ADGRB3: variants seen among roughly 807,000 people sequenced by gnomAD.
The protein encoded by ADGRB3 is adhesion G protein-coupled receptor B3.
A neutral mutation model predicts 193.4 loss-of-function variants in ADGRB3; 37 were observed. The observed-to-expected ratio is 0.19, with a 90% CI of 0.15 to 0.25. The LOEUF is 0.25. Ranked by LOEUF, ADGRB3 falls within the 10% of genes least tolerant of loss-of-function variation. ADGRB3 has a pLI of 1.00. For synonymous variants in ADGRB3, 690 were observed against 644.2 expected (o/e 1.07, Z -1.08); for missense variants, 1,637 against 1,852.9 (o/e 0.88, Z 2.14).
chr6:69,040,626 A>G (rs1276763148), intron 13 of ADGRB3, among the ~76,000 whole-genome samples: 1 of 144,044 alleles, frequency 6.9e-6, no homozygotes, highest in Non-Finnish European at 1.5e-5. Context: ...AAAAGGCAAA[A>G]ATGTGCCCCA....
At chr6:69,366,549 A>G (rs1769571498) in intron 29 of ADGRB3, among the ~76,000 whole-genome samples, 1 of 152,108 alleles carries the variant, frequency 6.6e-6, no homozygotes, top group South Asian at 2.1e-4. Flanking sequence ...GCATACATTC[A>G]CTAAGTATTC....
intron 3 of ADGRB3, among the ~76,000 whole-genome samples, chr6:68,863,263 A>G (rs886707899): frequency 2.0e-5 from 3 of 152,078 alleles, no homozygotes; most frequent in Non-Finnish European, 2.9e-5. Flanking sequence ...ATTCCTGAGT[A>G]CAGACAAAAG....
chr6:69,182,084 A>G (rs1389330095), intron 17 of ADGRB3, among the ~76,000 whole-genome samples: 1 of 152,164 alleles, frequency 6.6e-6, no homozygotes, highest in Non-Finnish European at 1.5e-5. Flanking sequence ...AAAATCATTT[A>G]TTTGGCAACA....
rs187993565 is a variant in ADGRB3 at position 68,943,352 on chromosome 6, T to C, written c.1031-478T>C. Among the ~76,000 whole-genome samples, 13 of 152,268 alleles carry C rather than the reference T, an allele frequency of 8.5e-5. No homozygotes were observed. The East Asian group carries it at 2.3e-3, about 27-fold the overall frequency. On this transcript the variant is annotated intron_variant, in intron 5 of 31. Transcript: ENST00000370598. ...TTAATATGCACTCTCAATTTTCAGA[T>C]TTTTTAAAATTTTCTAATATAATAG... is the stretch of plus-strand genomic sequence containing the variant.
intron 3 of ADGRB3, among the ~76,000 whole-genome samples, chr6:68,815,473 G>A (rs9360362): frequency 0.22 from 33,722 of 151,864 alleles, 5,216 homozygotes; most frequent in East Asian, 0.68. Flanking sequence ...TCTCTAGGAG[G>A]CCCTTATTAT....
intron 17 of ADGRB3, among the ~76,000 whole-genome samples, chr6:69,145,817 C>T (rs1005886740): frequency 1.3e-5 from 2 of 151,940 alleles, no homozygotes; most frequent in African/African-American, 4.8e-5. Context: ...TAGCTCTCAG[C>T]AGAGAGGAGA....
chr6:68,960,071 C>T (rs1317239242), intron 8 of ADGRB3, among the ~76,000 whole-genome samples: 1 of 152,170 alleles, frequency 6.6e-6, no homozygotes. Flanking sequence ...AGTTTACATT[C>T]TAGCTTCGTA....
intron 16 of ADGRB3, among the ~76,000 whole-genome samples, chr6:69,072,328 AAAAG>A (rs1264241837): frequency 2.6e-5 from 4 of 152,306 alleles, no homozygotes; most frequent in Middle Eastern, 3.4e-3. Context: ...CATAACCACA[AAAAG>A]AAAGAGAAGC....
At chr6:69,288,906 C>G (rs147075382) in intron 20 of ADGRB3, among the ~76,000 whole-genome samples, 2 of 152,104 alleles carry the variant, frequency 1.3e-5, no homozygotes. Context: ...CAAAGGAACA[C>G]GCTTCTCTTT....
At chr6:69,228,115 G>A (rs752395621) in intron 17 of ADGRB3, among the ~76,000 whole-genome samples, 13 of 152,106 alleles carry the variant, frequency 8.5e-5, no homozygotes, top group Non-Finnish European at 2.9e-5. Flanking sequence ...AAATGAGCCG[G>A]GTGCAGTGGC....
chr6:69,207,319 C>T (rs1176598231), intron 17 of ADGRB3, among the ~76,000 whole-genome samples: 2 of 152,184 alleles, frequency 1.3e-5, no homozygotes, highest in African/African-American at 4.8e-5. Context: ...CTGGACCCCA[C>T]TCAAAACTGG....
At chr6:68,814,415 T>C (rs1378513231) in intron 3 of ADGRB3, among the ~76,000 whole-genome samples, 3 of 152,244 alleles carry the variant, frequency 2.0e-5, no homozygotes, top group Non-Finnish European at 4.4e-5. Flanking sequence ...TTTGTTTTTT[T>C]CTTGTAAATT....
At chr6:69,149,147 C>A (rs1021030757) in intron 17 of ADGRB3, among the ~76,000 whole-genome samples, 1 of 152,040 alleles carries the variant, frequency 6.6e-6, no homozygotes, top group Admixed American at 6.5e-5. Flanking sequence ...TCTCTACTTC[C>A]CCTTTAAGGA....
chr6:69,079,826 T>A (rs1373560635), intron 17 of ADGRB3, among the ~76,000 whole-genome samples: 1 of 152,096 alleles, frequency 6.6e-6, no homozygotes. Context: ...CATCTAATAC[T>A]CTCAAGTCTG....
chr6:68,666,495 C>T (rs1306859982), intron 3 of ADGRB3, among the ~76,000 whole-genome samples: 1 of 151,768 alleles, frequency 6.6e-6, no homozygotes, highest in Non-Finnish European at 1.5e-5. Flanking sequence ...GTCCTAGTCC[C>T]CTCAGAAGAA....
chr6:68,725,492 A>G (rs1228032105), intron 3 of ADGRB3, among the ~76,000 whole-genome samples: 1 of 151,720 alleles, frequency 6.6e-6, no homozygotes, highest in African/African-American at 2.4e-5. Context: ...ATGTATTCAT[A>G]CAACATTTCC....
intron 3 of ADGRB3, among the ~76,000 whole-genome samples, chr6:68,670,909 T>G (rs973968113): frequency 6.6e-6 from 1 of 151,994 alleles, no homozygotes; most frequent in Admixed American, 6.6e-5. Flanking sequence ...ATTTTTCAAT[T>G]TTTTTGGTGT....
chr6:69,290,920 A>G (rs1253798780), intron 20 of ADGRB3, among the ~76,000 whole-genome samples: 1 of 152,194 alleles, frequency 6.6e-6, no homozygotes, highest in Non-Finnish European at 1.5e-5. Flanking sequence ...TTATAATTCT[A>G]GGCCAAAGAT....
intron 3 of ADGRB3, among the ~76,000 whole-genome samples, chr6:68,679,092 A>G (rs576725486): frequency 6.6e-6 from 1 of 152,250 alleles, no homozygotes; most frequent in Admixed American, 6.5e-5. Flanking sequence ...AGAATTCTCT[A>G]ATTTCTAAAT....
Sources: gnomAD v4.1 joint callset for allele counts (sites outside exome capture counted in the v4.1 genomes callset) on GRCh38, gnomAD v4.1.1 for gene constraint, MANE v1.5 for transcripts, NCBI Gene and HGNC (gene_info 2026-07-23, HGNC 2026-07-21) for gene names.